Variants in TRIM14 observed in about 807,000 individuals in gnomAD.
TRIM14 encodes the protein tripartite motif-containing protein 14.
A neutral mutation model predicts 44.5 loss-of-function variants in TRIM14; 28 were observed. The observed-to-expected ratio is 0.63, with a 90% CI of 0.47 to 0.86. TRIM14 has a LOEUF of 0.86. Ranked by LOEUF, TRIM14 falls within the 40% of genes least tolerant of loss-of-function variation. TRIM14 has a pLI of 0.00. For missense variants in TRIM14, 607 were observed against 611.1 expected (o/e 0.99, Z 0.07); for synonymous variants, 299 against 269.2 (o/e 1.11, Z -1.08).
At chr9:98,060,046 C>A in the TRIM14 span, among the ~76,000 whole-genome samples, 1 of 152,182 alleles carries the variant, frequency 6.6e-6, no homozygotes, top group African/African-American at 2.4e-5. Context: ...GAGTCCAGAG[C>A]TGGGAAGTGA....
intron 5 of TRIM14, among the ~76,000 whole-genome samples, chr9:98,090,657 G>C (rs1004038494): frequency 6.6e-6 from 1 of 151,056 alleles, no homozygotes. Context: ...TTCGCCTCCC[G>C]GGTTCAAGCG....
At chr9:98,046,287 C>A in the TRIM14 span, among the ~76,000 whole-genome samples, 1 of 152,000 alleles carries the variant, frequency 6.6e-6, no homozygotes, top group Non-Finnish European at 1.5e-5. Flanking sequence ...CTGGAAGCAG[C>A]GAAGTCTTAC....
At chr9:98,078,974 C>T (rs1288206600) in intron 6 of TRIM14, among the ~76,000 whole-genome samples, 1 of 152,142 alleles carries the variant, frequency 6.6e-6, no homozygotes, top group African/African-American at 2.4e-5. Context: ...TATAGGAGGC[C>T]TTCTTGAAAC....
chr9:98,081,243 T>A, downstream of TRIM14: 2 of 903,058 alleles, frequency 2.2e-6, no homozygotes, highest in Non-Finnish European at 3.3e-6. Flanking sequence ...TTCTCTTCAG[T>A]AATGCATGTC....
At chr9:98,057,922 G>GTTTTTTTTTTTTTTTTT in the TRIM14 span, among the ~76,000 whole-genome samples, 2 of 78,086 alleles carry the variant, frequency 2.6e-5, no homozygotes, top group East Asian at 3.3e-4. Flanking sequence ...TTTTTTCCTG[G>GTTTTTTTTTTTTTTTTT]TTTTTTTTTT....
chr9:98,081,128 A>G (rs749246056), downstream of TRIM14: 2 of 1,607,538 alleles, frequency 1.2e-6, no homozygotes, highest in Non-Finnish European at 1.7e-6. Context: ...GTGTGTGGAA[A>G]AAGGATAGGC....
At chr9:98,044,952 A>C in the TRIM14 span, among the ~76,000 whole-genome samples, 3 of 152,000 alleles carry the variant, frequency 2.0e-5, no homozygotes, top group Non-Finnish European at 4.4e-5. Flanking sequence ...GTCTCTATTA[A>C]AACACAAAAA....
intron 5 of TRIM14, among the ~76,000 whole-genome samples, chr9:98,088,281 C>T (rs1456581850): frequency 2.0e-5 from 3 of 152,192 alleles, no homozygotes; most frequent in Non-Finnish European, 2.9e-5. Context: ...AAAACTAATC[C>T]TATCACTGTT....
intron 1 of TRIM14, among the ~76,000 whole-genome samples, chr9:98,117,276 TTTTATTTATTTA>T (rs55719181): frequency 3.2e-4 from 47 of 147,636 alleles, no homozygotes; most frequent in South Asian, 1.9e-3. Flanking sequence ...AGATTCTCTG[TTTTATTTATTTA>T]TTTATTTATT....
At chr9:98,106,216 T>A (rs1262608657) in intron 2 of TRIM14, among the ~76,000 whole-genome samples, 1 of 152,172 alleles carries the variant, frequency 6.6e-6, no homozygotes, top group Non-Finnish European at 1.5e-5. Context: ...AGATTGGGGA[T>A]ATATTAGAAT....
chr9:98,060,880 G>A, the TRIM14 span: 1 of 1,614,150 alleles, frequency 6.2e-7, no homozygotes, highest in Non-Finnish European at 8.5e-7. Context: ...AGCATTCCTG[G>A]GGGAAGACGT....
At chr9:98,042,614 G>A in the TRIM14 span, among the ~76,000 whole-genome samples, 1 of 152,150 alleles carries the variant, frequency 6.6e-6, no homozygotes, top group Non-Finnish European at 1.5e-5. Context: ...GCTCAAGCCT[G>A]TAATCCCAGC....
chr9:98,105,904 C>T (rs1200440741), intron 2 of TRIM14, among the ~76,000 whole-genome samples: 1 of 152,230 alleles, frequency 6.6e-6, no homozygotes, highest in Non-Finnish European at 1.5e-5. Context: ...GGAATCTAGT[C>T]ATTCATCCAG....
At chr9:98,083,781 G>A (rs1309927699), downstream of TRIM14, among the ~76,000 whole-genome samples, 1 of 152,204 alleles carries the variant, frequency 6.6e-6, no homozygotes, top group African/African-American at 2.4e-5. Flanking sequence ...GGTGGTATGT[G>A]AGCCAGGCGT....
At position 98,119,178 on chromosome 9, in the gene TRIM14, G is replaced by A; in HGVS notation, c.11C>T (p.Ala4Val). 2 of 1,573,376 alleles carry A rather than the reference G, an allele frequency of 1.3e-6. No individual in the cohort carries two copies. Among genetic ancestry groups the A allele is most frequent in the African/African-American group, 1.4e-5 (1 of 71,488 alleles). MAG[A>V]ATGSRTPGRS... ...CCCAGGGGTCCGGCTCCCGGTCGCC[G>A]CGCCCGCCATTCATCTCCACCTCCT... Residue 4 changes from alanine to valine, a missense_variant, in exon 1 of 6, where the codon GCG becomes GTG. This residue lies in a region of TRIM14 where 246 missense variants were observed against 270.8 expected (regional missense o/e 0.91). Coordinates refer to ENST00000341469, the MANE Select transcript of TRIM14 (RefSeq NM_014788.4).
At chr9:98,093,135 A>G (rs1439087745) in intron 4 of TRIM14, among the ~76,000 whole-genome samples, 1 of 152,116 alleles carries the variant, frequency 6.6e-6, no homozygotes, top group Non-Finnish European at 1.5e-5. Flanking sequence ...AGAAAATGAC[A>G]GTTTCCTTCT....
chr9:98,070,019 A>G (rs899196761), intron 6 of TRIM14, among the ~76,000 whole-genome samples: 9 of 152,354 alleles, frequency 5.9e-5, no homozygotes, highest in African/African-American at 2.2e-4. Context: ...CTGGGGGAAG[A>G]GTATATAGTA....
chr9:98,036,535 C>T, the TRIM14 span, among the ~76,000 whole-genome samples: 1 of 146,230 alleles, frequency 6.8e-6, no homozygotes, highest in Non-Finnish European at 1.5e-5. Context: ...GGCAAGGTGG[C>T]TCACATCTGT....
downstream of TRIM14, among the ~76,000 whole-genome samples, chr9:98,080,185 G>A (rs1829790625): frequency 6.6e-6 from 1 of 152,228 alleles, no homozygotes; most frequent in Non-Finnish European, 1.5e-5. Context: ...TTGCACTCCA[G>A]CCTTGGTGAC....
Sources: allele counts gnomAD v4.1 joint callset (sites outside exome capture counted in the v4.1 genomes callset), GRCh38; gene constraint gnomAD v4.1.1; regional missense constraint gnomAD v4.1.1; transcripts MANE v1.5; gene names NCBI Gene and HGNC (gene_info 2026-07-23, HGNC 2026-07-21).